The following P2RY14 variants were observed in gnomAD, a reference collection of about 807,000 sequenced individuals.
P2RY14 encodes the protein purinergic receptor P2Y14.
In P2RY14, 2 loss-of-function variants were observed where a neutral mutation model predicts 0.9. The observed-to-expected ratio is 2.16, with a 90% confidence interval of 0.88 to 6.79. P2RY14 has a LOEUF of 6.79. Ranked by LOEUF, P2RY14 falls within the 30% of genes most tolerant of loss-of-function variation. The probability of loss-of-function intolerance (pLI) is 0.05; values close to 1 mark genes in which losing one functional copy is unlikely to be tolerated. For missense variants in P2RY14, 378 were observed against 400.1 expected, an observed-to-expected ratio of 0.94 and a Z score of 0.47; for synonymous variants, 158 against 147.2, an observed-to-expected ratio of 1.07 and a Z score of -0.53.
rs566577750 is a variant in P2RY14 at position 151,241,614 on chromosome 3, ATG to A, written c.-132-21974_-132-21973del. 2.3e-3 allele frequency among the ~76,000 whole-genome samples: 343 copies of A among 152,258 alleles called. 1 individual carries two copies. The highest frequency in any genetic ancestry group is 4.0e-3 in the Non-Finnish European group (274 of 68,010). On this transcript the variant is annotated intron_variant, in intron 1 of 2. Transcript: ENST00000309170. ...CACACTTTCACAGTGGGTTATATAT[ATG>A]TGTGTGTGTATATACACACACAGTA...
chr3:151,222,167 G>GC (rs971854793), intron 1 of P2RY14, among the ~76,000 whole-genome samples: 18 of 152,352 alleles, frequency 1.2e-4, no homozygotes, highest in African/African-American at 4.1e-4. Flanking sequence ...TTTACCCAAT[G>GC]CCTGTACTGC....
At chr3:151,246,749 C>A (rs1235647485) in intron 1 of P2RY14, among the ~76,000 whole-genome samples, 1 of 152,138 alleles carries the variant, frequency 6.6e-6, no homozygotes, top group African/African-American at 2.4e-5. Context: ...GCAATGGCCA[C>A]AAAAGCCAAA....
chr3:151,238,109 T>C (rs1733293871), intron 1 of P2RY14, among the ~76,000 whole-genome samples: 1 of 152,028 alleles, frequency 6.6e-6, no homozygotes, highest in Non-Finnish European at 1.5e-5. Context: ...TTTTCTGTCC[T>C]AAAGTTTAGA....
chr3:151,224,114 TA>T (rs1729985213), intron 1 of P2RY14, among the ~76,000 whole-genome samples: 1 of 147,810 alleles, frequency 6.8e-6, no homozygotes, highest in South Asian at 2.2e-4. Context: ...AATTATTTCA[TA>T]ATTAGGAATA....
rs2149220399 is a variant in P2RY14, at chr3:151,213,491, T to C, written c.826A>G (p.Met276Val). The C allele has an allele frequency of 2.5e-6, 4 of 1,614,190 alleles. No individual in the cohort carries two copies. Among genetic ancestry groups the C allele is most frequent in the East Asian group, 4.5e-5 (2 of 44,884 alleles). The change falls in exon 3 of 3, where the codon ATG becomes GTG. Residue 276 changes from methionine to valine, a missense_variant. Physicochemically the swap from Met to Val is conservative, Grantham distance 21 (BLOSUM62 1). Coordinates refer to ENST00000309170, the MANE Select transcript of P2RY14 (RefSeq NM_014879.4). ...SCQSKEILRY[M>V]KEFTLLLSAA... is the part of the protein sequence containing the mutation. ...GATAGTAGCAGAGTGAATTCTTTCA[T>C]ATACCGCAAGATTTCTTTTGACTGG... is the stretch of plus-strand genomic sequence containing the variant.
intron 1 of P2RY14, among the ~76,000 whole-genome samples, chr3:151,247,176 T>G (rs1735736800): frequency 6.6e-6 from 1 of 151,994 alleles, no homozygotes; most frequent in Non-Finnish European, 1.5e-5. Flanking sequence ...GACTGTAAAC[T>G]AGTTCAACCA....
At chr3:151,222,911 C>G (rs1273668436) in intron 1 of P2RY14, among the ~76,000 whole-genome samples, 1 of 152,100 alleles carries the variant, frequency 6.6e-6, no homozygotes. Flanking sequence ...CAAGTTTATT[C>G]ATTACATTTC....
In P2RY14 at chr3:151,269,397, T is replaced by TCACACACACACACACACA. The variant is rs71801434; in HGVS notation, c.-133+8872_-133+8889dup. The stretch of plus-strand genomic sequence containing the variant: ...CCTGGGCAACAAGAGTGAAACTCCA[T>TCACACACACACACACACA]CACACACACACACACACACACACAC... On this transcript the variant is annotated intron_variant, in intron 1 of 2. Coordinates refer to ENST00000309170, the MANE Select transcript of P2RY14 (RefSeq NM_014879.4). 332 of 144,812 alleles carry TCACACACACACACACACA rather than the reference T, an allele frequency of 2.3e-3. 3 individuals are homozygous for TCACACACACACACACACA. The highest frequency in any genetic ancestry group is 6.7e-3 in the African/African-American group (228 of 34,138). 9.0% of individuals were successfully genotyped at this position (144,812 alleles called of 1,614,324 possible).
At chr3:151,260,513 C>A (rs1738658445) in intron 1 of P2RY14, among the ~76,000 whole-genome samples, 1 of 152,028 alleles carries the variant, frequency 6.6e-6, no homozygotes, top group African/African-American at 2.4e-5. Context: ...CTGTGTCCAG[C>A]TAATTTTTAT....
chr3:151,258,475 A>G (rs6792089), intron 1 of P2RY14, among the ~76,000 whole-genome samples: 16,777 of 152,266 alleles, frequency 0.11, 1,239 homozygotes, highest in Middle Eastern at 0.17. Flanking sequence ...GTTAAATTCC[A>G]GGGTATCCCT....
At chr3:151,263,393 TGTG>T (rs1421461280) in intron 1 of P2RY14, among the ~76,000 whole-genome samples, 1 of 152,228 alleles carries the variant, frequency 6.6e-6, no homozygotes, top group Non-Finnish European at 1.5e-5. Flanking sequence ...AATGTACAAA[TGTG>T]GTGTTCACAA....
At chr3:151,222,414 T>C (rs185331155) in intron 1 of P2RY14, among the ~76,000 whole-genome samples, 1 of 152,296 alleles carries the variant, frequency 6.6e-6, no homozygotes, top group East Asian at 1.9e-4. Context: ...CCAAATCTCA[T>C]CTTGTGGCTC....
At chr3:151,269,762 G>T (rs887082965) in intron 1 of P2RY14, 2 of 424,922 alleles carry the variant, frequency 4.7e-6, no homozygotes, top group African/African-American at 2.1e-5. Context: ...AATGAGAGTG[G>T]TGATCTATTT....
At chr3:151,227,315 C>T (rs944094817) in intron 1 of P2RY14, among the ~76,000 whole-genome samples, 1 of 152,184 alleles carries the variant, frequency 6.6e-6, no homozygotes, top group Non-Finnish European at 1.5e-5. Flanking sequence ...TCTTGATTCC[C>T]TCTTGATCTT....
At chr3:151,245,878 T>C (rs1464689962) in intron 1 of P2RY14, among the ~76,000 whole-genome samples, 16 of 151,680 alleles carry the variant, frequency 1.1e-4, no homozygotes, top group East Asian at 7.8e-4. Flanking sequence ...ACCCCATCGT[T>C]TCAGCCCAAA....
At chr3:151,241,102 G>A (rs549929948) in intron 1 of P2RY14, among the ~76,000 whole-genome samples, 2 of 152,026 alleles carry the variant, frequency 1.3e-5, no homozygotes, top group Non-Finnish European at 2.9e-5. Context: ...GGAAGTGTTA[G>A]TTAGAAGTCT....
chr3:151,266,901 T>C (rs1739939715), intron 1 of P2RY14, among the ~76,000 whole-genome samples: 2 of 152,242 alleles, frequency 1.3e-5, no homozygotes, highest in South Asian at 4.1e-4. Flanking sequence ...GTAACTTTTA[T>C]AAACCCCCAC....
intron 1 of P2RY14, among the ~76,000 whole-genome samples, chr3:151,248,429 ACTGT>A (rs1281441693): frequency 1.3e-5 from 2 of 151,948 alleles, no homozygotes; most frequent in South Asian, 2.1e-4. Context: ...TTTAAACCAA[ACTGT>A]CTGGTTTTTG....
At chr3:151,261,137 G>A (rs760201886) in intron 1 of P2RY14, among the ~76,000 whole-genome samples, 1 of 152,008 alleles carries the variant, frequency 6.6e-6, no homozygotes, top group African/African-American at 2.4e-5. Context: ...ATAAGAGGGG[G>A]TGCAATTTTA....
Sources: allele counts gnomAD v4.1 joint callset (sites outside exome capture counted in the v4.1 genomes callset), GRCh38; gene constraint gnomAD v4.1.1; transcripts MANE v1.5; gene names NCBI Gene and HGNC (gene_info 2026-07-23, HGNC 2026-07-21).